UGT2A1: variants seen among roughly 807,000 people sequenced by gnomAD.
UGT2A1 encodes the protein UDP-glucuronosyltransferase 2A1.
In UGT2A1, 61 loss-of-function variants were observed where a neutral mutation model predicts 45.4. The observed-to-expected ratio is 1.34, with a 90% CI of 1.09 to 1.66. The LOEUF (loss-of-function observed/expected upper bound fraction) is 1.66. UGT2A1 is among the 40% of genes most tolerant of loss of function. UGT2A1 has a pLI of 0.00. For synonymous variants in UGT2A1, 229 were observed against 196.2 expected (o/e 1.17, Z -1.40); for missense variants, 649 against 574.3 (o/e 1.13, Z -1.33).
intron 6 of UGT2A1, among the ~76,000 whole-genome samples, chr4:69,590,493 A>G (rs1718525706): frequency 6.6e-6 from 1 of 152,192 alleles, no homozygotes; most frequent in African/African-American, 2.4e-5. Flanking sequence ...GGATTCATGA[A>G]GATGAGCGAA....
intron 3 of UGT2A1, among the ~76,000 whole-genome samples, chr4:69,608,979 T>G (rs1719856385): frequency 6.6e-6 from 1 of 152,070 alleles, no homozygotes; most frequent in Non-Finnish European, 1.5e-5. Context: ...AGAAAAGGAT[T>G]TCCTCAGGAA....
intron 3 of UGT2A1, among the ~76,000 whole-genome samples, chr4:69,627,624 A>G (rs2109949307): frequency 6.6e-6 from 1 of 151,754 alleles, no homozygotes; most frequent in African/African-American, 2.4e-5. Flanking sequence ...GAGAAGAAAG[A>G]AAAAAGAAAA....
At chr4:69,609,178 C>T (rs538127691) in intron 3 of UGT2A1, among the ~76,000 whole-genome samples, 1 of 145,306 alleles carries the variant, frequency 6.9e-6, no homozygotes, top group South Asian at 2.2e-4. Flanking sequence ...TTTGACACAG[C>T]GTTTTTCTCT....
intron 3 of UGT2A1, among the ~76,000 whole-genome samples, chr4:69,621,341 AACAG>A (rs1476027914): frequency 6.6e-6 from 1 of 152,092 alleles, no homozygotes; most frequent in African/African-American, 2.4e-5. Flanking sequence ...AAAGGACATT[AACAG>A]ACAGTTTGCA....
intron 1 of UGT2A1, among the ~76,000 whole-genome samples, chr4:69,650,273 A>T (rs1171512328): frequency 6.6e-6 from 1 of 152,128 alleles, no homozygotes; most frequent in Non-Finnish European, 1.5e-5. Flanking sequence ...CACACACAGC[A>T]GTACCTACTA....
chr4:69,635,363 G>A (rs1293053142), intron 3 of UGT2A1, among the ~76,000 whole-genome samples: 1 of 152,148 alleles, frequency 6.6e-6, no homozygotes, highest in East Asian at 1.9e-4. Context: ...AAACCCAAAA[G>A]ACACATGCAA....
chr4:69,590,742 TA>T (rs1245274826), intron 6 of UGT2A1, among the ~76,000 whole-genome samples: 1 of 152,098 alleles, frequency 6.6e-6, no homozygotes, highest in Non-Finnish European at 1.5e-5. Flanking sequence ...AGGCAATAAA[TA>T]AATTTGTACA....
At position 69,647,498 on chromosome 4, in the gene UGT2A1, A is replaced by C; in HGVS notation, c.147T>G (p.Asn49Lys). The C allele has an allele frequency of 6.2e-7, 1 of 1,613,066 alleles. No homozygotes were observed. The highest frequency in any genetic ancestry group is 8.5e-7 in the Non-Finnish European group (1 of 1,179,340). ...IIDELIKKEHNVTVLVASGAL... is the reference protein window; with the variant it reads ...IIDELIKKEHKVTVLVASGAL... ...CACCAGAGGCAACTAGGACAGTCACATTATGCTCCTTTTTAATGAGCTCAT... is the reference window on the plus strand; with the variant it reads ...CACCAGAGGCAACTAGGACAGTCACCTTATGCTCCTTTTTAATGAGCTCAT... Residue 49 changes from asparagine (N) to lysine (K), a missense_variant, in exon 2 of 7, where the codon AAT becomes AAG. By Grantham distance (94) the Asn-to-Lys change is moderately conservative (BLOSUM62 0). Transcript: ENST00000286604.
In UGT2A1 at chr4:69,622,311, G is replaced by A. The variant is rs558311823; in HGVS notation, c.847+13380C>T. 2.0e-5 allele frequency among the ~76,000 whole-genome samples: 3 copies of A among 151,602 alleles called. No individual in the cohort carries two copies. In the South Asian group the frequency reaches 6.3e-4, roughly 32 times the overall value. On this transcript the variant is annotated intron_variant, in intron 3 of 6. Coordinates refer to ENST00000286604, the MANE Select transcript of UGT2A1 (RefSeq NM_001252275.3). ...ATAACACCACAAAGATGGGAAATTG[G>A]CATACAAAAAGTTAGAGATCAAAAC...
At chr4:69,615,659 G>A (rs1483588355) in intron 3 of UGT2A1, among the ~76,000 whole-genome samples, 1 of 151,864 alleles carries the variant, frequency 6.6e-6, no homozygotes, top group East Asian at 1.9e-4. Flanking sequence ...AAACTATAAT[G>A]AGATATCATC....
chr4:69,636,956 C>T (rs1430812042), intron 2 of UGT2A1, among the ~76,000 whole-genome samples: 5 of 152,082 alleles, frequency 3.3e-5, no homozygotes, highest in Non-Finnish European at 7.4e-5. Flanking sequence ...GACCCTTCAC[C>T]TTGTTACTTT....
rs527631910 is a variant in UGT2A1, at chr4:69,598,400, T to A, written c.996+846A>T. 7.9e-5 allele frequency among the ~76,000 whole-genome samples: 12 copies of A among 152,274 alleles called. No individual in the cohort carries two copies. In the East Asian group the frequency reaches 2.3e-3, roughly 29 times the overall value. ...GTGTACCTGTACTCTATTTTGCTTC[T>A]CAACACTTTTTCTGTATAACATTTC... On this transcript the variant is annotated intron_variant, in intron 4 of 6. Transcript: ENST00000286604.
intron 3 of UGT2A1, among the ~76,000 whole-genome samples, chr4:69,625,665 A>G (rs1721014915): frequency 1.3e-5 from 2 of 151,220 alleles, no homozygotes; most frequent in African/African-American, 4.8e-5. Context: ...TTTTGGCCAT[A>G]CCCTATTTTT....
chr4:69,593,733 G>A (rs1438973438), intron 6 of UGT2A1, among the ~76,000 whole-genome samples: 1 of 151,482 alleles, frequency 6.6e-6, no homozygotes, highest in African/African-American at 2.4e-5. Context: ...CTCTCTGTGT[G>A]TATACATATA....
chr4:69,650,116 A>C (rs2109983684), intron 1 of UGT2A1, among the ~76,000 whole-genome samples: 1 of 152,056 alleles, frequency 6.6e-6, no homozygotes, highest in East Asian at 1.9e-4. Flanking sequence ...CACTTATTAA[A>C]CTTTCACTCC....
At chr4:69,638,490 C>A (rs1196835625) in intron 2 of UGT2A1, among the ~76,000 whole-genome samples, 1 of 152,064 alleles carries the variant, frequency 6.6e-6, no homozygotes, top group Admixed American at 6.5e-5. Flanking sequence ...TGATTCTATG[C>A]TTTTCAAAGC....
chr4:69,643,705 CCTT>C (rs1412966185), intron 2 of UGT2A1, among the ~76,000 whole-genome samples: 2 of 151,572 alleles, frequency 1.3e-5, no homozygotes, highest in Non-Finnish European at 3.0e-5. Context: ...CTCACTCTGA[CCTT>C]CTTATTGCAT....
intron 2 of UGT2A1, among the ~76,000 whole-genome samples, chr4:69,638,213 T>C (rs577143734): frequency 6.6e-6 from 1 of 151,884 alleles, no homozygotes; most frequent in South Asian, 2.1e-4. Flanking sequence ...GGCAAAATCA[T>C]CAAGAGAGAA....
intron 6 of UGT2A1, among the ~76,000 whole-genome samples, chr4:69,590,501 G>A (rs544171302): frequency 6.6e-6 from 1 of 152,232 alleles, no homozygotes; most frequent in East Asian, 1.9e-4. Context: ...GAAGATGAGC[G>A]AAGGTAAATG....
Sources: gnomAD v4.1 joint callset for allele counts (sites outside exome capture counted in the v4.1 genomes callset) on GRCh38, gnomAD v4.1.1 for gene constraint, MANE v1.5 for transcripts, NCBI Gene and HGNC (gene_info 2026-07-23, HGNC 2026-07-21) for gene names.